The following CNOT6L variants were observed in gnomAD, a reference collection of about 807,000 sequenced individuals.
CNOT6L encodes the protein CCR4-NOT transcription complex subunit 6-like.
A neutral mutation model predicts 64.0 loss-of-function variants in CNOT6L; 7 were observed. That is an observed-to-expected ratio of 0.11 (90% CI 0.06 to 0.21). CNOT6L has a LOEUF of 0.21. Ranked by LOEUF, CNOT6L falls within the 10% of genes least tolerant of loss-of-function variation. The pLI, the probability that CNOT6L is intolerant of heterozygous loss-of-function variation, is 1.00. For missense variants in CNOT6L, 245 were observed against 669.0 expected (o/e 0.37, Z 6.99); for synonymous variants, 193 against 243.4 (o/e 0.79, Z 1.93).
At chr4:77,742,386 T>A in intron 7 of CNOT6L, 91 bp from the exon 8 acceptor site, 1 of 1,168,888 alleles carries the variant, frequency 8.6e-7, no homozygotes, top group Non-Finnish European at 1.2e-6. Flanking sequence ...AAGATGTAAC[T>A]TAGTAAAAAT....
chr4:77,773,821 C>T (rs1249932583), intron 3 of CNOT6L, among the ~76,000 whole-genome samples: 9 of 151,844 alleles, frequency 5.9e-5, no homozygotes, highest in African/African-American at 2.2e-4. Flanking sequence ...ATAGTACAGA[C>T]AAGAATAGGA....
intron 1 of CNOT6L, among the ~76,000 whole-genome samples, chr4:77,796,860 T>A (rs1439481962): frequency 6.6e-6 from 1 of 151,952 alleles, no homozygotes; most frequent in Non-Finnish European, 1.5e-5. Flanking sequence ...GAAGGCAGAC[T>A]GCCTGACCTC....
chr4:77,740,378 A>T (rs1328741861), intron 8 of CNOT6L, among the ~76,000 whole-genome samples: 1 of 152,130 alleles, frequency 6.6e-6, no homozygotes, highest in African/African-American at 2.4e-5. Flanking sequence ...ACCCTGTCTA[A>T]AAACAAAAAC....
intron 11 of CNOT6L, among the ~76,000 whole-genome samples, chr4:77,723,915 C>G (rs1377291677): frequency 6.6e-6 from 1 of 152,042 alleles, no homozygotes; most frequent in Non-Finnish European, 1.5e-5. Context: ...GATTAATGTC[C>G]CAAATTGTGT....
At chr4:77,757,881 G>A (rs1183204518) in intron 4 of CNOT6L, among the ~76,000 whole-genome samples, 2 of 152,166 alleles carry the variant, frequency 1.3e-5, no homozygotes, top group Non-Finnish European at 2.9e-5. Flanking sequence ...TGTATTTTTA[G>A]TAGAGACAAG....
intron 1 of CNOT6L, 84 bp downstream of exon 1, chr4:77,819,220 G>A (rs1320364321): frequency 6.2e-7 from 1 of 1,611,082 alleles, no homozygotes; most frequent in Non-Finnish European, 8.5e-7. Flanking sequence ...ACGCACATTT[G>A]TCCCTCTCCC....
chr4:77,781,291 T>C (rs1167330267), intron 1 of CNOT6L, among the ~76,000 whole-genome samples: 16 of 152,118 alleles, frequency 1.1e-4, no homozygotes, highest in Admixed American at 2.0e-4. Flanking sequence ...GGGACATACA[T>C]ACCTATGTAA....
intron 1 of CNOT6L, among the ~76,000 whole-genome samples, chr4:77,800,065 C>CA (rs10711375): frequency 1.6e-3 from 236 of 149,300 alleles, no homozygotes; most frequent in African/African-American, 4.0e-3. Context: ...TATACTCCAT[C>CA]AAAAAAAAAA....
At chr4:77,817,807 C>T (rs1733743827) in intron 1 of CNOT6L, among the ~76,000 whole-genome samples, 1 of 152,238 alleles carries the variant, frequency 6.6e-6, no homozygotes, top group Non-Finnish European at 1.5e-5. Context: ...CAATCTCTGG[C>T]CATGACACAG....
chr4:77,780,641 G>A (rs1189404113), intron 1 of CNOT6L, among the ~76,000 whole-genome samples: 1 of 152,090 alleles, frequency 6.6e-6, no homozygotes, highest in Admixed American at 6.6e-5. Context: ...TAAGGAACCC[G>A]ATTTTCTCCT....
intron 4 of CNOT6L, among the ~76,000 whole-genome samples, chr4:77,759,395 C>A (rs1725920719): frequency 6.6e-6 from 1 of 151,796 alleles, no homozygotes; most frequent in Admixed American, 6.6e-5. Context: ...GAAACCCCGT[C>A]TCTACTAAAA....
intron 8 of CNOT6L, among the ~76,000 whole-genome samples, chr4:77,734,886 A>C (rs1722786082): frequency 6.6e-6 from 1 of 152,142 alleles, no homozygotes. Flanking sequence ...AAAATAATTA[A>C]ATTTCTCAAT....
chr4:77,792,218 T>C (rs993998810), intron 1 of CNOT6L, among the ~76,000 whole-genome samples: 1 of 152,004 alleles, frequency 6.6e-6, no homozygotes, highest in Non-Finnish European at 1.5e-5. Flanking sequence ...CAATGACATA[T>C]AAAAAAGTAT....
intron 1 of CNOT6L, among the ~76,000 whole-genome samples, chr4:77,816,541 C>T (rs1733595325): frequency 1.3e-5 from 2 of 152,050 alleles, no homozygotes; most frequent in Non-Finnish European, 1.5e-5. Context: ...AAAATTCAAG[C>T]CCCTCAATGA....
intron 1 of CNOT6L, among the ~76,000 whole-genome samples, chr4:77,815,779 G>T (rs1417916338): frequency 6.6e-6 from 1 of 152,102 alleles, no homozygotes; most frequent in Non-Finnish European, 1.5e-5. Context: ...AGAAATGGTG[G>T]AGTCACAAGA....
intron 1 of CNOT6L, among the ~76,000 whole-genome samples, chr4:77,791,386 C>G (rs889971821): frequency 6.6e-6 from 1 of 151,736 alleles, no homozygotes; most frequent in African/African-American, 2.4e-5. Flanking sequence ...TATCTGCAAA[C>G]TATCAAGATA....
intron 1 of CNOT6L, among the ~76,000 whole-genome samples, chr4:77,810,958 C>A (rs1417857640): frequency 6.6e-6 from 1 of 152,104 alleles, no homozygotes; most frequent in African/African-American, 2.4e-5. Context: ...ATCCAAGTTG[C>A]CAAGAATGAC....
At chr4:77,787,433 C>T (rs1291362452) in intron 1 of CNOT6L, among the ~76,000 whole-genome samples, 1 of 152,276 alleles carries the variant, frequency 6.6e-6, no homozygotes, top group South Asian at 2.1e-4. Context: ...AAAGACATTA[C>T]AAATGCCTTA....
At chr4:77,803,471 A>C (rs189750261) in intron 1 of CNOT6L, among the ~76,000 whole-genome samples, 5 of 152,340 alleles carry the variant, frequency 3.3e-5, no homozygotes, top group African/African-American at 1.2e-4. Context: ...TACTTTAAAA[A>C]AGTGTGCAAA....
Sources: gnomAD v4.1 joint callset for allele counts (sites outside exome capture counted in the v4.1 genomes callset) on GRCh38, gnomAD v4.1.1 for gene constraint, MANE v1.5 for transcripts, NCBI Gene and HGNC (gene_info 2026-07-23, HGNC 2026-07-21) for gene names.